The following NF1 variants were observed in gnomAD, a reference collection of about 807,000 sequenced individuals.
The protein encoded by NF1 is neurofibromin 1.
A neutral mutation model predicts 325.7 loss-of-function variants in NF1; 122 were observed. The ratio of observed to expected loss-of-function variants is 0.37; its 90% CI spans 0.32 to 0.44. The LOEUF (loss-of-function observed/expected upper bound fraction) is 0.44, where lower values mean the gene tolerates loss of function less well. NF1 is among the 20% of genes least tolerant of loss of function. The pLI, the probability that NF1 is intolerant of heterozygous loss-of-function variation, is 1.00. For missense variants in NF1, 2,140 were observed against 3,415.4 expected, an observed-to-expected ratio of 0.63 and a Z score of 9.31; for synonymous variants, 1,091 against 1,186.0, an observed-to-expected ratio of 0.92 and a Z score of 1.65.
At chr17:31,101,839 A>G (rs1912367658) in intron 1 of NF1, among the ~76,000 whole-genome samples, 1 of 152,154 alleles carries the variant, frequency 6.6e-6, no homozygotes, top group South Asian at 2.1e-4. Context: ...GGATTGTTTG[A>G]ACACAGCTTG....
intron 37 of NF1, 23 bp from the exon 38 acceptor site, chr17:31,327,474 TCA>T: frequency 6.3e-7 from 1 of 1,580,868 alleles, no homozygotes; most frequent in Non-Finnish European, 8.7e-7. Context: ...CTTCTCCACT[TCA>T]CCCCGTCACC....
At chr17:31,351,211 A>AT (rs1299971372) in intron 50 of NF1, among the ~76,000 whole-genome samples, 1 of 115,164 alleles carries the variant, frequency 8.7e-6, no homozygotes, top group Non-Finnish European at 2.3e-5. Flanking sequence ...TTTAGACTTA[A>AT]TTTTTTCTGA....
intron 36 of NF1, among the ~76,000 whole-genome samples, chr17:31,311,492 A>T (rs564681556): frequency 6.6e-6 from 1 of 152,332 alleles, no homozygotes; most frequent in African/African-American, 2.4e-5. Context: ...ATCTCTAACT[A>T]GTGAAGTTTT....
chr17:31,143,404 C>T (rs1916367505), intron 1 of NF1, among the ~76,000 whole-genome samples: 1 of 151,764 alleles, frequency 6.6e-6, no homozygotes, highest in African/African-American at 2.4e-5. Flanking sequence ...GTAGCTGGGA[C>T]TACAGGTGCA....
chr17:31,349,391 C>A, intron 49 of NF1, 140 bp downstream of exon 49: 1 of 793,610 alleles, frequency 1.3e-6, no homozygotes, highest in Non-Finnish European at 2.0e-6. Context: ...GTGGTGGTTA[C>A]AATTTTGAGA....
intron 36 of NF1, among the ~76,000 whole-genome samples, chr17:31,283,220 A>G (rs969017296): frequency 1.3e-5 from 2 of 152,038 alleles, no homozygotes; most frequent in Non-Finnish European, 2.9e-5. Flanking sequence ...GATCGAGACC[A>G]TCCTGGCTAA....
intron 36 of NF1, chr17:31,294,883 A>G: frequency 8.0e-7 from 1 of 1,249,348 alleles, no homozygotes; most frequent in Admixed American, 1.8e-5. Context: ...CATCAGAGTT[A>G]GAAATGTTAA....
chr17:31,235,820 G>A (rs2067191072), intron 28 of NF1, 48 bp downstream of exon 28: 2 of 1,613,044 alleles, frequency 1.2e-6, no homozygotes, highest in Non-Finnish European at 1.7e-6. Flanking sequence ...GGTATGTCAA[G>A]TAATGATTAT....
intron 51 of NF1, 40 bp downstream of exon 51, chr17:31,352,454 A>T (rs1954991217): frequency 2.1e-6 from 3 of 1,461,926 alleles, no homozygotes; most frequent in East Asian, 2.5e-5. Flanking sequence ...TTTATTATTT[A>T]AAAAAATAGA....
chr17:31,274,595 C>G (rs1361815461), intron 36 of NF1, among the ~76,000 whole-genome samples: 1 of 151,560 alleles, frequency 6.6e-6, no homozygotes, highest in Admixed American at 6.6e-5. Context: ...AAGAAGTAAA[C>G]AAACAAAAAA....
intron 12 of NF1, among the ~76,000 whole-genome samples, chr17:31,209,235 G>C (rs1363417122): frequency 6.6e-6 from 1 of 152,216 alleles, no homozygotes; most frequent in African/African-American, 2.4e-5. Context: ...AGTATGTTCA[G>C]TGGGTTGTCC....
At position 31,358,390 on chromosome 17, in the gene NF1, T is replaced by C. The variant is rs1441769314; in HGVS notation, c.7971-90T>C. On this transcript the variant is annotated intron_variant, in intron 54 of 57. Coordinates refer to ENST00000358273, the MANE Select transcript of NF1 (RefSeq NM_001042492.3). The stretch of plus-strand genomic sequence containing the variant: ...ATCTCCCTTTAATTTTGGCACATTA[T>C]TCTGGGGAATGTATATTATGTTTTC... 3.7e-6 allele frequency: 5 copies of C among 1,345,672 alleles called. No homozygotes were observed. The Admixed American group carries it at 7.8e-5, about 21-fold the overall frequency. The allele number at this position is 1,345,672 out of a possible 1,614,324, so 83.4% of individuals were successfully genotyped here. A position where few individuals can be genotyped will look rare whatever the true frequency, so the allele number is the denominator to read the frequency against.
intron 8 of NF1, among the ~76,000 whole-genome samples, chr17:31,191,661 T>C (rs2066344358): frequency 6.6e-6 from 1 of 152,082 alleles, no homozygotes; most frequent in Admixed American, 6.6e-5. Flanking sequence ...TTGATTGTGG[T>C]GATGTTTGAA....
chr17:31,263,144 T>TAAGATAAGATAAGATAAGATA (rs1178413461), intron 35 of NF1, among the ~76,000 whole-genome samples: 1 of 145,970 alleles, frequency 6.9e-6, no homozygotes, highest in Non-Finnish European at 1.5e-5. Context: ...TAAGATAAGA[T>TAAGATAAGATAAGATAAGATA]AGATAAGATA....
chr17:31,307,436 TA>T (rs2068754526), intron 36 of NF1, among the ~76,000 whole-genome samples: 1 of 152,206 alleles, frequency 6.6e-6, no homozygotes, highest in Non-Finnish European at 1.5e-5. Context: ...TAAAAGTCTA[TA>T]AAAACTAATT....
chr17:31,225,318 T>C, intron 17 of NF1, 68 bp downstream of exon 17: 4 of 1,539,122 alleles, frequency 2.6e-6, no homozygotes, highest in Non-Finnish European at 3.6e-6. Flanking sequence ...TGAAATTTGG[T>C]AAATTTCATC....
In NF1 at chr17:31,334,927, C is replaced by T. The variant is rs137854552; in HGVS notation, c.5902C>T (p.Arg1968Ter). Reference protein sequence around the residue: ...RFCKHNDDAKRQRVTAILDKL... With the variant: ...RFCKHNDDAK Reference sequence around the variant, plus strand: ...TTGCAAGCATAATGATGATGCCAAACGACAAAGAGTTACTGCTATTCTTGA... The same window carrying T: ...TTGCAAGCATAATGATGATGCCAAATGACAAAGAGTTACTGCTATTCTTGA... The change falls in exon 40 of 58, where the codon CGA (arginine) becomes TGA (stop). Residue 1968 changes from arginine (R) to a stop codon, truncating the protein, a stop_gained. Transcript: ENST00000358273. LOFTEE classifies it high-confidence loss of function. The T allele has an allele frequency of 1.9e-6, 3 of 1,613,512 alleles. No homozygotes were observed. The highest frequency in any genetic ancestry group is 1.1e-5 in the South Asian group (1 of 91,056).
rs757398594 is a variant in NF1 at position 31,249,083 on chromosome 17, C to A, written c.4074C>A (p.Pro1358=). Reference sequence around the variant, plus strand: ...TCATCAGTTCCTCCTCAGAATTCCCCCCTCAACTTCGAAGTGTGTGCCACT... The same window carrying A: ...TCATCAGTTCCTCCTCAGAATTCCCACCTCAACTTCGAAGTGTGTGCCACT... The part of the protein sequence containing the change: ...HAIISSSSEF[P]PQLRSVCHCL... The change falls in exon 30 of 58, where the codon CCC becomes CCA. Residue 1358 remains proline (P), a synonymous_variant. Coordinates refer to ENST00000358273, the MANE Select transcript of NF1 (RefSeq NM_001042492.3). The A allele has an allele frequency of 3.1e-6, 5 of 1,614,068 alleles. No homozygotes were observed. The highest frequency in any genetic ancestry group is 2.5e-6 in the Non-Finnish European group (3 of 1,179,992).
Position 31,294,916 on chromosome 17 carries a change from A to C in NF1, c.4835+29577A>C, listed in dbSNP as rs75858537. The C allele has an allele frequency of 4.2e-4, 650 of 1,539,506 alleles. 5 individuals are homozygous for C. In the African/African-American group the frequency reaches 7.8e-3, roughly 18 times the overall value. On this transcript the variant is annotated intron_variant, in intron 36 of 57. Transcript: ENST00000358273. ...TAAGACTGGCTTTCTTGAATACTTA[A>C]ATATAGCTCGAATCACTGGTTAGAT...
Sources: allele counts gnomAD v4.1 joint callset (sites outside exome capture counted in the v4.1 genomes callset), GRCh38; gene constraint gnomAD v4.1.1; transcripts MANE v1.5; gene names NCBI Gene and HGNC (gene_info 2026-07-23, HGNC 2026-07-21).